SDK1: variants seen among roughly 807,000 people sequenced by gnomAD.
SDK1 encodes the protein sidekick cell adhesion molecule 1.
In SDK1, 157 loss-of-function variants were observed where a neutral mutation model predicts 245.5. That is an observed-to-expected ratio of 0.64 (90% CI 0.56 to 0.73). The LOEUF (loss-of-function observed/expected upper bound fraction) is 0.73, where lower values mean the gene tolerates loss of function less well. Ranked by LOEUF, SDK1 falls within the 30% of genes least tolerant of loss-of-function variation. SDK1 has a pLI of 0.00. For synonymous variants in SDK1, 1,647 were observed against 1,278.5 expected (o/e 1.29, Z -6.15); for missense variants, 3,583 against 3,002.3 (o/e 1.19, Z -4.52).
chr7:3,741,732 G>A (rs1583362536), intron 4 of SDK1, among the ~76,000 whole-genome samples: 1 of 152,114 alleles, frequency 6.6e-6, no homozygotes, highest in African/African-American at 2.4e-5. Context: ...TATTGGGATG[G>A]ACGTACTTGA....
chr7:3,752,744 C>T (rs1282308489), intron 4 of SDK1, among the ~76,000 whole-genome samples: 4 of 152,078 alleles, frequency 2.6e-5, no homozygotes, highest in African/African-American at 9.7e-5. Context: ...CATCATGAGA[C>T]TCATCTTCAA....
intron 4 of SDK1, among the ~76,000 whole-genome samples, chr7:3,704,920 C>A (rs1166731765): frequency 6.6e-6 from 1 of 152,184 alleles, no homozygotes; most frequent in Non-Finnish European, 1.5e-5. Flanking sequence ...AGCCACTTTT[C>A]TCAATACCAT....
intron 1 of SDK1, among the ~76,000 whole-genome samples, chr7:3,394,188 C>G (rs1419287408): frequency 6.6e-6 from 1 of 152,124 alleles, no homozygotes; most frequent in Middle Eastern, 3.4e-3. Flanking sequence ...TCAGTCTCTC[C>G]TCTACTTCTC....
Position 3,524,589 on chromosome 7 carries a change from A to G in SDK1, c.299-94491A>G, listed in dbSNP as rs540244641. Among the ~76,000 whole-genome samples, 10 of 152,260 alleles carry G rather than the reference A, an allele frequency of 6.6e-5. No individual in the cohort carries two copies. In the South Asian group the frequency reaches 1.9e-3, roughly 28 times the overall value. ...ACATGTACCTGTAAATAAAGGAGAGAAAGAACAGACAAAGGATAACCCCAA... is the reference window on the plus strand; with the variant it reads ...ACATGTACCTGTAAATAAAGGAGAGGAAGAACAGACAAAGGATAACCCCAA... On this transcript the variant is annotated intron_variant, in intron 1 of 44. Transcript: ENST00000404826.
At chr7:3,939,672 C>T (rs979308839) in intron 5 of SDK1, among the ~76,000 whole-genome samples, 4 of 152,144 alleles carry the variant, frequency 2.6e-5, no homozygotes, top group African/African-American at 9.6e-5. Flanking sequence ...GAGATATATA[C>T]ATATATATGT....
chr7:4,062,056 A>G (rs1181066165), intron 19 of SDK1, among the ~76,000 whole-genome samples: 2 of 151,348 alleles, frequency 1.3e-5, no homozygotes, highest in African/African-American at 2.4e-5. Context: ...TGGGTGCAGC[A>G]CACCAGCATG....
chr7:3,624,357 C>G (rs1583240335), intron 2 of SDK1, among the ~76,000 whole-genome samples: 1 of 152,108 alleles, frequency 6.6e-6, no homozygotes, highest in Non-Finnish European at 1.5e-5. Context: ...CACCAGCACA[C>G]CTGGCTAAGT....
chr7:3,941,458 C>T (rs1025197474), intron 5 of SDK1, among the ~76,000 whole-genome samples: 1 of 151,846 alleles, frequency 6.6e-6, no homozygotes, highest in Non-Finnish European at 1.5e-5. Flanking sequence ...CACGCCCATG[C>T]CCCCCCACTG....
At chr7:3,753,132 G>A (rs540683327) in intron 4 of SDK1, among the ~76,000 whole-genome samples, 16 of 152,128 alleles carry the variant, frequency 1.1e-4, no homozygotes, top group South Asian at 1.0e-3. Context: ...CTAGGATGGC[G>A]GCAATATTTT....
intron 20 of SDK1, among the ~76,000 whole-genome samples, chr7:4,073,130 G>A (rs766677198): frequency 5.3e-5 from 8 of 152,178 alleles, no homozygotes; most frequent in Non-Finnish European, 1.2e-4. Flanking sequence ...AGGATGCCAA[G>A]CGGGAGGTAC....
intron 1 of SDK1, among the ~76,000 whole-genome samples, chr7:3,468,096 A>G (rs1583902738): frequency 6.6e-6 from 1 of 152,206 alleles, no homozygotes; most frequent in South Asian, 2.1e-4. Context: ...GAGAGAAATC[A>G]TAAAGCAGAG....
chr7:4,063,277 A>G (rs1383407511), intron 19 of SDK1, among the ~76,000 whole-genome samples: 1 of 152,226 alleles, frequency 6.6e-6, no homozygotes, highest in African/African-American at 2.4e-5. Context: ...GCAACACACA[A>G]AAATCAGTAG....
chr7:3,482,631 C>A (rs1781553911), intron 1 of SDK1, among the ~76,000 whole-genome samples: 1 of 152,188 alleles, frequency 6.6e-6, no homozygotes, highest in South Asian at 2.1e-4. Flanking sequence ...CCTGCACATT[C>A]CTGCTATCCT....
At chr7:3,630,833 A>T (rs1190478234) in intron 2 of SDK1, among the ~76,000 whole-genome samples, 1 of 151,942 alleles carries the variant, frequency 6.6e-6, no homozygotes, top group East Asian at 1.9e-4. Context: ...ATTTTTTCCA[A>T]ACTTATCCCT....
intron 1 of SDK1, among the ~76,000 whole-genome samples, chr7:3,509,218 C>A (rs890156873): frequency 1.3e-5 from 2 of 152,044 alleles, no homozygotes; most frequent in East Asian, 1.9e-4. Flanking sequence ...GACTTGACCC[C>A]CAGGATACCA....
At chr7:4,192,735 A>G (rs1033684727) in intron 35 of SDK1, among the ~76,000 whole-genome samples, 2 of 151,970 alleles carry the variant, frequency 1.3e-5, no homozygotes, top group South Asian at 2.1e-4. Flanking sequence ...CAAACCCACA[A>G]TATCTCCAAG....
chr7:3,821,701 G>C lies in SDK1; in HGVS notation c.847+118G>C, dbSNP rs10240325. ...TTTCTCTCTCTAGTGTAGTAGTTAC[G>C]GTTTAATATTGATCCAGTGCCAATA... On this transcript the variant is annotated intron_variant, in intron 5 of 44. Coordinates refer to ENST00000404826, the MANE Select transcript of SDK1 (RefSeq NM_152744.4). 1,920 of 1,043,468 alleles carry C rather than the reference G, an allele frequency of 1.8e-3. 16 individuals are homozygous for C. The highest frequency in any genetic ancestry group is 0.016 in the African/African-American group (968 of 60,956). 64.6% of individuals were successfully genotyped at this position (1,043,468 alleles called of 1,614,324 possible). A position where few individuals can be genotyped will look rare whatever the true frequency, so the allele number is the denominator to read the frequency against.
At chr7:4,122,536 G>A (rs1333513483) in intron 25 of SDK1, among the ~76,000 whole-genome samples, 1 of 152,202 alleles carries the variant, frequency 6.6e-6, no homozygotes, top group East Asian at 1.9e-4. Flanking sequence ...AATGCTCGGA[G>A]CCACATTTCA....
intron 4 of SDK1, among the ~76,000 whole-genome samples, chr7:3,726,892 G>A (rs1020960862): frequency 2.0e-5 from 3 of 152,206 alleles, no homozygotes; most frequent in African/African-American, 7.2e-5. Context: ...CCATTAGGGT[G>A]TAAATCACAC....
Sources: allele counts gnomAD v4.1 joint callset (sites outside exome capture counted in the v4.1 genomes callset), GRCh38; gene constraint gnomAD v4.1.1; transcripts MANE v1.5; gene names NCBI Gene and HGNC (gene_info 2026-07-23, HGNC 2026-07-21).